DCUN1D5: variants seen among roughly 807,000 people sequenced by gnomAD.
DCUN1D5 encodes the protein DCN1-like protein 5.
In DCUN1D5, 10 loss-of-function variants were observed where a neutral mutation model predicts 38.3. The observed-to-expected ratio is 0.26, with a 90% confidence interval of 0.16 to 0.44. The LOEUF (loss-of-function observed/expected upper bound fraction) is 0.44, where lower values mean the gene tolerates loss of function less well. Ranked by LOEUF, DCUN1D5 falls within the 20% of genes least tolerant of loss-of-function variation. The pLI is 1.00. For missense variants in DCUN1D5, 148 were observed against 275.3 expected, an observed-to-expected ratio of 0.54 and a Z score of 3.27; for synonymous variants, 93 against 90.9, an observed-to-expected ratio of 1.02 and a Z score of -0.13.
intron 4 of DCUN1D5, among the ~76,000 whole-genome samples, chr11:103,074,994 T>C (rs980431809): frequency 1.9e-4 from 29 of 152,184 alleles, no homozygotes; most frequent in African/African-American, 7.0e-4. Context: ...GGGAGTCTTA[T>C]TCTAAAACAC....
Position 103,053,044 on chromosome 11 carries a change from T to C in DCUN1D5, c.*9315A>G. ...ACTGTGCTTCTAGGTAAAACTTATT[T>C]TGCAATAGGGTCCTGCTACTTAATT... On this transcript the variant is annotated 3_prime_UTR_variant, in exon 8 of 8. Coordinates refer to ENST00000260247, the MANE Select transcript of DCUN1D5 (RefSeq NM_032299.4). The surrounding 1 kb of genome is among the most constrained non-coding windows in gnomAD (Gnocchi z 4.8). The C allele has an allele frequency of 6.6e-6, 1 of 152,146 alleles. No homozygotes were observed. Among genetic ancestry groups the C allele is most frequent in the East Asian group, 1.9e-4 (1 of 5,198 alleles). The allele number at this position is 152,146 out of a possible 1,614,324, so 9.4% of individuals were successfully genotyped here. A position where few individuals can be genotyped will look rare whatever the true frequency, so the allele number is the denominator to read the frequency against.
At position 103,056,151 on chromosome 11, in the gene DCUN1D5, C is replaced by T. The variant is rs1360435318; in HGVS notation, c.*6208G>A. ...TTACCATATTATCTTCCTACTACTA[C>T]CTGCTTCCATCCTTGCTTTGATCTG... On this transcript the variant is annotated 3_prime_UTR_variant, in exon 8 of 8. Transcript: ENST00000260247. The surrounding 1 kb of genome is among the most constrained non-coding windows in gnomAD (Gnocchi z 4.9). Among the ~76,000 whole-genome samples, 2 of 152,166 alleles carry T rather than the reference C, an allele frequency of 1.3e-5. No homozygotes were observed. The highest frequency in any genetic ancestry group is 6.5e-5 in the Admixed American group (1 of 15,270).
intron 4 of DCUN1D5, among the ~76,000 whole-genome samples, chr11:103,069,305 C>A (rs763115722): frequency 2.0e-5 from 3 of 152,166 alleles, no homozygotes; most frequent in Non-Finnish European, 4.4e-5. Context: ...TAAAACCCTG[C>A]CTTTTCTCTA....
chr11:103,076,297 T>G (rs1439166235), intron 4 of DCUN1D5, among the ~76,000 whole-genome samples: 2 of 152,220 alleles, frequency 1.3e-5, no homozygotes, highest in African/African-American at 4.8e-5. Flanking sequence ...AATTATATAA[T>G]GTTTCAAAAT....
Position 103,063,900 on chromosome 11 carries a change from A to C in DCUN1D5, c.658+375T>G, listed in dbSNP as rs764769592. Among the ~76,000 whole-genome samples the C allele has an allele frequency of 2.6e-5, 4 of 152,154 alleles. No individual in the cohort carries two copies. The highest frequency in any genetic ancestry group is 5.9e-5 in the Non-Finnish European group (4 of 67,980). Reference sequence around the variant, plus strand: ...GTAGCATAATATTACAATAATGTTAAAGCTTTTTCTATTGTGGCTGATTGT... The same window carrying C: ...GTAGCATAATATTACAATAATGTTACAGCTTTTTCTATTGTGGCTGATTGT... On this transcript the variant is annotated intron_variant, in intron 7 of 7. Coordinates refer to ENST00000260247, the MANE Select transcript of DCUN1D5 (RefSeq NM_032299.4). The surrounding 1 kb of genome is among the most constrained non-coding windows in gnomAD (Gnocchi z 4.6).
chr11:103,072,548 T>C (rs1313739003), intron 4 of DCUN1D5, among the ~76,000 whole-genome samples: 1 of 152,026 alleles, frequency 6.6e-6, no homozygotes, highest in African/African-American at 2.4e-5. Flanking sequence ...TAAGAAAATG[T>C]GGCACATACA....
intron 4 of DCUN1D5, among the ~76,000 whole-genome samples, chr11:103,079,404 T>C (rs1328957434): frequency 6.6e-6 from 1 of 152,214 alleles, no homozygotes; most frequent in Non-Finnish European, 1.5e-5. Flanking sequence ...CCTTACATAA[T>C]ATAGGTGTCT....
At position 103,055,788 on chromosome 11, in the gene DCUN1D5, T is replaced by C. The variant is rs1861858958; in HGVS notation, c.*6571A>G. On this transcript the variant is annotated 3_prime_UTR_variant, in exon 8 of 8. Transcript: ENST00000260247. ...AGATTACACACTGATGACTTCCAAA[T>C]ATATTTATCTCCAGCCCAGACCTCT... is the stretch of plus-strand genomic sequence containing the variant. 2.0e-5 allele frequency: 3 copies of C among 152,190 alleles called. No homozygotes were observed. The South Asian group carries it at 6.2e-4, about 32-fold the overall frequency. The allele number at this position is 152,190 out of a possible 1,614,324, so 9.4% of individuals were successfully genotyped here.
intron 4 of DCUN1D5, among the ~76,000 whole-genome samples, chr11:103,079,469 G>C (rs542064441): frequency 2.6e-5 from 4 of 152,150 alleles, no homozygotes; most frequent in Admixed American, 6.5e-5. Flanking sequence ...AGTGGCTTAC[G>C]CCTGTAATTG....
chr11:103,066,140 C>A lies in DCUN1D5; in HGVS notation c.555+129G>T, dbSNP rs1591206504. 5.6e-6 allele frequency: 3 copies of A among 533,526 alleles called. No homozygotes were observed. In the East Asian group the frequency reaches 9.4e-5, roughly 17 times the overall value. The allele number at this position is 533,526 out of a possible 1,614,324, so 33.0% of individuals were successfully genotyped here. On this transcript the variant is annotated intron_variant, in intron 6 of 7. Coordinates refer to ENST00000260247, the MANE Select transcript of DCUN1D5 (RefSeq NM_032299.4). This position sits in a 1 kb window ranked among gnomAD's most constrained non-coding sequence, Gnocchi z 4.7. ...ATCTAAAAATAGCAACTGATATGTA[C>A]ATATTTTAGAATTTTTTCTCTAAAG...
At position 103,064,324 on chromosome 11, in the gene DCUN1D5, G is replaced by A. The variant is rs1181603712; in HGVS notation, c.609C>T (p.Phe203=). The stretch of plus-strand genomic sequence containing the variant: ...TAAGATCAGCATGGACTGTTCTGCT[G>A]AATTCTAATACATTGTACCATTGAT... ...NKDQWYNVLE[F]SRTVHADLSN... The change falls in exon 7 of 8, where the codon TTC becomes TTT. Residue 203 remains phenylalanine (F), a synonymous_variant. Coordinates refer to ENST00000260247, the MANE Select transcript of DCUN1D5 (RefSeq NM_032299.4). This position sits in a 1 kb window ranked among gnomAD's most constrained non-coding sequence, Gnocchi z 4.5. 1 of 1,611,514 alleles carries A rather than the reference G, an allele frequency of 6.2e-7. No homozygotes were observed. Among genetic ancestry groups the A allele is most frequent in the South Asian group, 1.1e-5 (1 of 90,580 alleles).
At chr11:103,079,454 G>A (rs1456618909) in intron 4 of DCUN1D5, among the ~76,000 whole-genome samples, 2 of 152,116 alleles carry the variant, frequency 1.3e-5, no homozygotes, top group African/African-American at 4.8e-5. Flanking sequence ...ATTAATACTG[G>A]GCAAAGTGGC....
chr11:103,072,333 T>C (rs960021928), intron 4 of DCUN1D5, among the ~76,000 whole-genome samples: 3 of 138,116 alleles, frequency 2.2e-5, no homozygotes, highest in African/African-American at 8.7e-5. Context: ...CTCAAGGATC[T>C]AGAACTAGAT....
In DCUN1D5 at chr11:103,081,554, T is replaced by C. The variant is rs531862397; in HGVS notation, c.341+1194A>G. Among the ~76,000 whole-genome samples, 15 of 152,300 alleles carry C rather than the reference T, an allele frequency of 9.8e-5. No homozygotes were observed. In the South Asian group the frequency reaches 3.1e-3, roughly 32 times the overall value. On this transcript the variant is annotated intron_variant, in intron 4 of 7. Coordinates refer to ENST00000260247, the MANE Select transcript of DCUN1D5 (RefSeq NM_032299.4). ...ATTTTATAAGGAATGTTGATTTATA[T>C]AGAAAGTAGGAATACAGTATTAGAG...
chr11:103,090,303 G>C (rs2134641368), intron 1 of DCUN1D5, among the ~76,000 whole-genome samples: 1 of 152,246 alleles, frequency 6.6e-6, no homozygotes, highest in East Asian at 1.9e-4. Context: ...AGCTACTAAA[G>C]TAACCATGTC....
chr11:103,072,773 G>A (rs1389461633), intron 4 of DCUN1D5, among the ~76,000 whole-genome samples: 1 of 116,474 alleles, frequency 8.6e-6, no homozygotes, highest in African/African-American at 3.2e-5. Flanking sequence ...GGTGGGGGGA[G>A]GGGGGAGGGA....
At position 103,083,134 on chromosome 11, in the gene DCUN1D5, T is replaced by C; in HGVS notation, c.249+122A>G. The C allele has an allele frequency of 1.6e-6, 1 of 626,592 alleles. No individual in the cohort carries two copies. 38.8% of individuals were successfully genotyped at this position (626,592 alleles called of 1,614,324 possible). Reference sequence around the variant, plus strand: ...TGATTAAAAATACCTTAAATGCAAATTTACAATATTAAACATGAAGAAATA... The same window carrying C: ...TGATTAAAAATACCTTAAATGCAAACTTACAATATTAAACATGAAGAAATA... On this transcript the variant is annotated intron_variant, in intron 3 of 7. Transcript: ENST00000260247. This position sits in a 1 kb window ranked among gnomAD's most constrained non-coding sequence, Gnocchi z 4.4.
chr11:103,087,577 G>A lies in DCUN1D5; in HGVS notation c.178+1650C>T, dbSNP rs1862745592. ...AGGTGGGAGGATGGCCTGAGCCCAG[G>A]AGCTCAAGGCTGCAGTGAGCCATGA... On this transcript the variant is annotated intron_variant, in intron 2 of 7. Transcript: ENST00000260247. The surrounding 1 kb of genome is among the most constrained non-coding windows in gnomAD (Gnocchi z 4.1). Among the ~76,000 whole-genome samples, 1 of 152,140 alleles carries A rather than the reference G, an allele frequency of 6.6e-6. No individual in the cohort carries two copies. Among genetic ancestry groups the A allele is most frequent in the South Asian group, 2.1e-4 (1 of 4,816 alleles).
rs1357180468 is a variant in DCUN1D5, at chr11:103,083,398, T to C, written c.179-72A>G. The C allele has an allele frequency of 1.2e-6, 1 of 853,204 alleles. No individual in the cohort carries two copies. Among genetic ancestry groups the C allele is most frequent in the East Asian group, 2.6e-5 (1 of 37,988 alleles). 52.9% of individuals were successfully genotyped at this position (853,204 alleles called of 1,614,324 possible). ...AAAACATAAATCGTCATGCTAAAGGTACCCATGAACACACCATAATATTTT... is the reference window on the plus strand; with the variant it reads ...AAAACATAAATCGTCATGCTAAAGGCACCCATGAACACACCATAATATTTT... On this transcript the variant is annotated intron_variant, in intron 2 of 7. Coordinates refer to ENST00000260247, the MANE Select transcript of DCUN1D5 (RefSeq NM_032299.4). This position sits in a 1 kb window ranked among gnomAD's most constrained non-coding sequence, Gnocchi z 4.4.
Sources: allele counts gnomAD v4.1 joint callset (sites outside exome capture counted in the v4.1 genomes callset), GRCh38; gene constraint gnomAD v4.1.1; non-coding constraint Gnocchi (gnomAD v3.1); transcripts MANE v1.5; gene names NCBI Gene and HGNC (gene_info 2026-07-23, HGNC 2026-07-21).